FNBP4: variants seen among roughly 807,000 people sequenced by gnomAD.
FNBP4 encodes the protein formin binding protein 4.
A neutral mutation model predicts 119.3 loss-of-function variants in FNBP4; 34 were observed. The observed-to-expected ratio is 0.28, with a 90% CI of 0.22 to 0.38. The LOEUF (loss-of-function observed/expected upper bound fraction) is 0.38. Among genes scored for constraint, FNBP4 ranks in the 10% least tolerant of loss-of-function variants. FNBP4 has a pLI of 1.00. For synonymous variants in FNBP4, 462 were observed against 430.6 expected, an observed-to-expected ratio of 1.07 and a Z score of -0.90; for missense variants, 1,112 against 1,228.9, an observed-to-expected ratio of 0.90 and a Z score of 1.42.
intron 1 of FNBP4, among the ~76,000 whole-genome samples, chr11:47,766,365 A>G (rs1484962060): frequency 6.6e-6 from 1 of 152,208 alleles, no homozygotes; most frequent in East Asian, 1.9e-4. Flanking sequence ...ATACTTACAA[A>G]TACATACAAA....
chr11:47,720,209 TA>T (rs1449960189), intron 15 of FNBP4, 123 bp from the exon 16 acceptor site: 8 of 874,678 alleles, frequency 9.1e-6, no homozygotes, highest in Non-Finnish European at 1.3e-5. Context: ...AAAAAGAAAG[TA>T]AATACCATTC....
intron 16 of FNBP4, among the ~76,000 whole-genome samples, chr11:47,718,117 C>T (rs956970067): frequency 2.6e-5 from 4 of 151,868 alleles, no homozygotes; most frequent in Non-Finnish European, 4.4e-5. Flanking sequence ...AAATGAAACA[C>T]GTTCTATTAG....
At chr11:47,759,747 G>C (rs1025512046) in intron 2 of FNBP4, among the ~76,000 whole-genome samples, 10 of 152,004 alleles carry the variant, frequency 6.6e-5, no homozygotes, top group Non-Finnish European at 1.3e-4. Context: ...GAGGTCAGGA[G>C]TTCAAGATTG....
chr11:47,731,493 TCAC>T lies in FNBP4; in HGVS notation c.1886_1888del (p.Gly629del). 1 of 1,614,038 alleles carries T rather than the reference TCAC, an allele frequency of 6.2e-7. No individual in the cohort carries two copies. Among genetic ancestry groups the T allele is most frequent in the Non-Finnish European group, 8.5e-7 (1 of 1,180,004 alleles). ...TGCTTGGCTTTCTTCTTCTTCCTCT[TCAC>T]CATCTGGAAACTCCCACTGAGACTC... On this transcript the variant is annotated inframe_deletion, in exon 12 of 17. Coordinates refer to ENST00000263773, the MANE Select transcript of FNBP4 (RefSeq NM_015308.5).
intron 12 of FNBP4, chr11:47,729,122 G>A (rs2097564583): frequency 4.1e-6 from 4 of 976,060 alleles, no homozygotes; most frequent in African/African-American, 1.8e-5. Flanking sequence ...AAAGTATTGG[G>A]ATTACAGGCA....
intron 12 of FNBP4, chr11:47,729,434 T>C (rs2097564929): frequency 1.0e-6 from 1 of 985,140 alleles, no homozygotes; most frequent in Non-Finnish European, 1.2e-6. Context: ...CAACAAATAA[T>C]GATTAAAAAT....
intron 8 of FNBP4, among the ~76,000 whole-genome samples, chr11:47,738,744 T>C (rs1034426711): frequency 6.6e-6 from 1 of 151,624 alleles, no homozygotes; most frequent in African/African-American, 2.4e-5. Context: ...ACAGTGGAGC[T>C]ATCTCGGCTC....
rs777491084 is a variant in FNBP4, at chr11:47,744,168, A to G, written c.1246-5T>C. ...CTCCAAGGCTCGCAACTCTGCCTACAAAGAACATGACAATTAAGTTAGTGT... is the reference window on the plus strand; with the variant it reads ...CTCCAAGGCTCGCAACTCTGCCTACGAAGAACATGACAATTAAGTTAGTGT... On this transcript the variant is annotated splice_region_variant and splice_polypyrimidine_tract_variant and intron_variant, in intron 7 of 16. Coordinates refer to ENST00000263773, the MANE Select transcript of FNBP4 (RefSeq NM_015308.5). The G allele has an allele frequency of 1.2e-6, 2 of 1,612,728 alleles. No individual in the cohort carries two copies. Among genetic ancestry groups the G allele is most frequent in the Non-Finnish European group, 1.7e-6 (2 of 1,178,852 alleles).
intron 1 of FNBP4, 110 bp downstream of exon 1, chr11:47,766,959 G>C: frequency 1.4e-6 from 2 of 1,390,184 alleles, no homozygotes; most frequent in Non-Finnish European, 1.8e-6. Context: ...CAGCAGGCAG[G>C]CCTCGGAAGC....
intron 8 of FNBP4, among the ~76,000 whole-genome samples, chr11:47,742,477 C>CAAAAAAAAAAAAAAAAAAAAAAAA (rs568784009): frequency 2.5e-4 from 6 of 23,760 alleles, no homozygotes; most frequent in African/African-American, 7.7e-4. Context: ...GACTCCGTCT[C>CAAAAAAAAAAAAAAAAAAAAAAAA]AAAAAAAAAA....
intron 2 of FNBP4, among the ~76,000 whole-genome samples, chr11:47,755,687 C>T (rs532505247): frequency 7.3e-5 from 11 of 150,624 alleles, no homozygotes; most frequent in East Asian, 3.9e-4. Context: ...GCCGAGCATA[C>T]GGCTGAGGTG....
intron 6 of FNBP4, 99 bp from the exon 7 acceptor site, chr11:47,746,493 T>C (rs2097590547): frequency 9.2e-7 from 1 of 1,088,704 alleles, no homozygotes; most frequent in South Asian, 1.7e-5. Flanking sequence ...CTGTTTTCAG[T>C]AGCTGAATAC....
Position 47,767,240 on chromosome 11 carries a change from G to T in FNBP4, c.49C>A (p.Leu17Ile). ...AVPGRRPILQ[L>I]SPPGPRGSTP... ...CTGCCCCGAGGACCCGGCGGAGAGA[G>T]TTGCAGGATGGGCCTACGGCCGGGT... The change falls in exon 1 of 17, where the codon CTC becomes ATC. Residue 17 changes from leucine (L) to isoleucine (I), a missense_variant. Leu to Ile is a conservative substitution (Grantham distance 5, BLOSUM62 2). Coordinates refer to ENST00000263773, the MANE Select transcript of FNBP4 (RefSeq NM_015308.5). The T allele has an allele frequency of 6.4e-7, 1 of 1,569,708 alleles. No homozygotes were observed.
intron 6 of FNBP4, among the ~76,000 whole-genome samples, chr11:47,749,324 C>CACTTTGGAA (rs11283175): frequency 6.6e-6 from 1 of 151,984 alleles, no homozygotes; most frequent in Non-Finnish European, 1.5e-5. Context: ...GTAATCCCAG[C>CACTTTGGAA]GTCTGAGGCA....
chr11:47,737,031 G>A (rs2097575161), intron 8 of FNBP4, among the ~76,000 whole-genome samples: 1 of 151,946 alleles, frequency 6.6e-6, no homozygotes, highest in African/African-American at 2.4e-5. Flanking sequence ...CAGTAGAACC[G>A]TCTCTACTAA....
intron 16 of FNBP4, among the ~76,000 whole-genome samples, chr11:47,717,790 C>CCGA (rs2097551326): frequency 6.6e-6 from 1 of 152,084 alleles, no homozygotes. Context: ...CTCTTGTTGC[C>CCGA]CAGTCTGGAG....
intron 12 of FNBP4, chr11:47,729,769 G>A: frequency 1.0e-6 from 1 of 985,400 alleles, no homozygotes; most frequent in Non-Finnish European, 1.2e-6. Context: ...AACCACCACT[G>A]AGCTGATTAA....
chr11:47,752,704 C>G (rs1315670624), intron 4 of FNBP4: 1 of 453,130 alleles, frequency 2.2e-6, no homozygotes, highest in Non-Finnish European at 4.0e-6. Flanking sequence ...GTCCCAGTTA[C>G]TCAGGAGGCT....
chr11:47,747,599 G>A (rs2097593124), intron 6 of FNBP4, among the ~76,000 whole-genome samples: 3 of 152,160 alleles, frequency 2.0e-5, no homozygotes, highest in Non-Finnish European at 4.4e-5. Context: ...GAGCCACCAT[G>A]CTGGGCCTGA....
Sources: allele counts gnomAD v4.1 joint callset (sites outside exome capture counted in the v4.1 genomes callset), GRCh38; gene constraint gnomAD v4.1.1; transcripts MANE v1.5; gene names NCBI Gene and HGNC (gene_info 2026-07-23, HGNC 2026-07-21).